The following ATP11B variants were observed in gnomAD, a reference collection of about 807,000 sequenced individuals.
The protein encoded by ATP11B is phospholipid-transporting ATPase IF.
In ATP11B, 81 loss-of-function variants were observed where a neutral mutation model predicts 157.8. The ratio of observed to expected loss-of-function variants is 0.51; its 90% confidence interval spans 0.43 to 0.62. ATP11B has a LOEUF of 0.62. Ranked by LOEUF, ATP11B falls within the 20% of genes least tolerant of loss-of-function variation. The pLI is 0.00. For synonymous variants in ATP11B, 451 were observed against 469.4 expected, an observed-to-expected ratio of 0.96 and a Z score of 0.51; for missense variants, 1,165 against 1,402.2, an observed-to-expected ratio of 0.83 and a Z score of 2.70.
intron 21 of ATP11B, among the ~76,000 whole-genome samples, chr3:182,882,366 C>A (rs1722485847): frequency 6.6e-6 from 1 of 151,862 alleles, no homozygotes. Context: ...CAGTTTAATT[C>A]TGTAATGATA....
At chr3:182,822,818 T>C (rs1460534235) in intron 2 of ATP11B, among the ~76,000 whole-genome samples, 2 of 152,228 alleles carry the variant, frequency 1.3e-5, no homozygotes, top group African/African-American at 4.8e-5. Flanking sequence ...TTCTAACTGG[T>C]GTGAGATGAT....
At chr3:182,872,670 G>T in intron 18 of ATP11B, 133 bp downstream of exon 18, 1 of 822,942 alleles carries the variant, frequency 1.2e-6, no homozygotes, top group South Asian at 2.7e-5. Flanking sequence ...GAGAACTAAA[G>T]CCTTAATTTT....
chr3:182,888,039 TA>T (rs1468983389), intron 24 of ATP11B, among the ~76,000 whole-genome samples: 1 of 152,236 alleles, frequency 6.6e-6, no homozygotes, highest in Non-Finnish European at 1.5e-5. Context: ...CTAGAATTCC[TA>T]AAAGTTTTTT....
intron 29 of ATP11B, 61 bp from the exon 30 acceptor site, chr3:182,917,960 ATT>A: frequency 1.9e-6 from 3 of 1,587,840 alleles, no homozygotes; most frequent in Non-Finnish European, 2.6e-6. Context: ...TTTAGAGTAA[ATT>A]TTTTTCTCAA....
intron 26 of ATP11B, 130 bp from the exon 27 acceptor site, chr3:182,897,173 G>T: frequency 1.8e-6 from 1 of 549,048 alleles, no homozygotes; most frequent in Non-Finnish European, 3.2e-6. Flanking sequence ...ATCTCTGAGG[G>T]ATTTTGAGGG....
In ATP11B at chr3:182,828,142, C is replaced by CA; in HGVS notation, c.173dup (p.Asn58LysfsTer4). Reference sequence around the variant, plus strand: ...TAGTACACTGTGTGGAATTTTGTTCCAAAAAATTTATTTGAACAGTTCAGA... The same window carrying CA: ...TAGTACACTGTGTGGAATTTTGTTCCAAAAAAATTTATTTGAACAGTTCAGA... On this transcript the variant is annotated frameshift_variant, in exon 3 of 30. Coordinates refer to ENST00000323116, the MANE Select transcript of ATP11B (RefSeq NM_014616.3). LOFTEE classifies it high-confidence loss of function. 1 of 1,470,558 alleles carries CA rather than the reference C, an allele frequency of 6.8e-7. No individual in the cohort carries two copies. Among genetic ancestry groups the CA allele is most frequent in the Non-Finnish European group, 9.1e-7 (1 of 1,096,852 alleles). 91.1% of individuals were successfully genotyped at this position (1,470,558 alleles called of 1,614,324 possible).
At chr3:182,892,702 A>G (rs903013267) in intron 25 of ATP11B, among the ~76,000 whole-genome samples, 3 of 152,162 alleles carry the variant, frequency 2.0e-5, no homozygotes, top group Non-Finnish European at 4.4e-5. Context: ...TTTATCTCAA[A>G]TCTTTTTAAC....
chr3:182,917,219 G>A, intron 29 of ATP11B: 1 of 985,300 alleles, frequency 1.0e-6, no homozygotes, highest in African/African-American at 1.7e-5. Context: ...TACATAAAAT[G>A]TATTTATTGT....
intron 29 of ATP11B, chr3:182,916,387 T>C: frequency 2.0e-6 from 2 of 985,372 alleles, no homozygotes; most frequent in Non-Finnish European, 2.4e-6. Context: ...CCAGTGTTTT[T>C]ATGTGACAGA....
intron 19 of ATP11B, among the ~76,000 whole-genome samples, chr3:182,876,527 T>C (rs1260991548): frequency 6.6e-6 from 1 of 152,190 alleles, no homozygotes; most frequent in African/African-American, 2.4e-5. Context: ...AGGTAATTTA[T>C]AAAGAACAGA....
chr3:182,835,431 G>A (rs563059994), intron 4 of ATP11B, among the ~76,000 whole-genome samples: 92 of 152,248 alleles, frequency 6.0e-4, no homozygotes, highest in Non-Finnish European at 1.1e-3. Context: ...TGATTGCATA[G>A]ATGTTAGGAA....
At chr3:182,908,231 A>G (rs1724522473) in intron 28 of ATP11B, among the ~76,000 whole-genome samples, 1 of 123,852 alleles carries the variant, frequency 8.1e-6, no homozygotes, top group African/African-American at 3.2e-5. Flanking sequence ...TGAGCTAGAC[A>G]TAGGGTCTCA....
intron 29 of ATP11B, 145 bp from the exon 30 acceptor site, chr3:182,917,878 T>G: frequency 7.6e-7 from 1 of 1,318,406 alleles, no homozygotes; most frequent in Non-Finnish European, 9.7e-7. Flanking sequence ...GTTTGGGCAT[T>G]CGATACTAGT....
chr3:182,835,484 A>G (rs1406741444), intron 4 of ATP11B, among the ~76,000 whole-genome samples: 1 of 152,198 alleles, frequency 6.6e-6, no homozygotes, highest in Non-Finnish European at 1.5e-5. Flanking sequence ...TCTGGCAAGA[A>G]CAGCTTGGTA....
chr3:182,843,761 G>T (rs1000648440), intron 8 of ATP11B: 7 of 152,154 alleles, frequency 4.6e-5, no homozygotes, highest in Non-Finnish European at 1.0e-4. Context: ...CTGGGGACAT[G>T]TTCAGTTTAT....
Position 182,918,055 on chromosome 3 carries a change from A to G in ATP11B, c.3485A>G (p.Asn1162Ser). The change falls in exon 30 of 30, where the codon AAC becomes AGC. Residue 1162 changes from asparagine to serine, a missense_variant. Around this residue, in one of 4 missense-constraint regions of ATP11B, gnomAD observed 303 missense variants for 296.3 expected, o/e 1.02. Transcript: ENST00000323116. Reference sequence around the variant, plus strand: ...AGTGCATCGGATCCTTTCTATACCAACGACAGGAGCATCTTGACTCTCTCC... The same window carrying G: ...AGTGCATCGGATCCTTTCTATACCAGCGACAGGAGCATCTTGACTCTCTCC... ...SWSASDPFYTNDRSILTLSTM... is the reference protein window; with the variant it reads ...SWSASDPFYTSDRSILTLSTM... 1 of 1,613,354 alleles carries G rather than the reference A, an allele frequency of 6.2e-7. No homozygotes were observed. Among genetic ancestry groups the G allele is most frequent in the Non-Finnish European group, 8.5e-7 (1 of 1,179,504 alleles).
chr3:182,850,893 T>C (rs1396677210), intron 10 of ATP11B, among the ~76,000 whole-genome samples: 1 of 152,122 alleles, frequency 6.6e-6, no homozygotes, highest in Non-Finnish European at 1.5e-5. Context: ...AAAAAAGGTA[T>C]ACATACCCAC....
chr3:182,880,757 T>A (rs1000926464), intron 20 of ATP11B, 122 bp from the exon 21 acceptor site: 2 of 476,184 alleles, frequency 4.2e-6, no homozygotes, highest in Non-Finnish European at 7.2e-6. Flanking sequence ...TATTATTGTC[T>A]AATAAAAAAT....
chr3:182,911,393 G>A (rs1724784652), intron 28 of ATP11B, among the ~76,000 whole-genome samples: 1 of 150,070 alleles, frequency 6.7e-6, no homozygotes, highest in African/African-American at 2.4e-5. Context: ...TGTTTTCTGA[G>A]TAGTCTGCCT....
Sources: gnomAD v4.1 joint callset for allele counts (sites outside exome capture counted in the v4.1 genomes callset) on GRCh38, gnomAD v4.1.1 for gene constraint, gnomAD v4.1.1 regional missense constraint, MANE v1.5 for transcripts, NCBI Gene and HGNC (gene_info 2026-07-23, HGNC 2026-07-21) for gene names.